Variants in B3GLCT observed in about 807,000 individuals in gnomAD.
The protein encoded by B3GLCT is beta 3-glucosyltransferase.
A neutral mutation model predicts 63.4 loss-of-function variants in B3GLCT; 65 were observed. The observed-to-expected ratio is 1.03, with a 90% CI of 0.84 to 1.26. The LOEUF (loss-of-function observed/expected upper bound fraction) is 1.26. B3GLCT is among the 50% of genes most tolerant of loss of function. B3GLCT has a pLI of 0.00. For synonymous variants in B3GLCT, 233 were observed against 219.2 expected, an observed-to-expected ratio of 1.06 and a Z score of -0.55; for missense variants, 577 against 604.8, an observed-to-expected ratio of 0.95 and a Z score of 0.48.
chr13:31,224,158 T>C (rs1180099189), intron 3 of B3GLCT, among the ~76,000 whole-genome samples: 1 of 152,108 alleles, frequency 6.6e-6, no homozygotes, highest in Non-Finnish European at 1.5e-5. Context: ...TGTTTTGGGG[T>C]CTGCGAGCAG....
Position 31,261,005 on chromosome 13 carries a change from C to T in B3GLCT, c.519C>T (p.Ala173=), listed in dbSNP as rs745980708. ...AAGCTACAATAATTCACCATTATGC[C>T]TTTTCCGAGAATCCTACAGTTTTTA... The part of the protein sequence containing the change: ...DEEATIIHHY[A]FSENPTVFKY... The change falls in exon 7 of 15, where the codon GCC becomes GCT. Residue 173 remains alanine (A), a synonymous_variant. Coordinates refer to ENST00000343307, the MANE Select transcript of B3GLCT (RefSeq NM_194318.4). 6.2e-7 allele frequency: 1 copy of T among 1,613,546 alleles called. No individual in the cohort carries two copies. The highest frequency in any genetic ancestry group is 1.3e-5 in the African/African-American group (1 of 74,780).
In B3GLCT at chr13:31,255,583, G is replaced by A. The variant is rs192258713; in HGVS notation, c.460-5363G>A. 2.6e-5 allele frequency among the ~76,000 whole-genome samples: 4 copies of A among 152,270 alleles called. No homozygotes were observed. In the East Asian group the frequency reaches 7.7e-4, roughly 29 times the overall value. On this transcript the variant is annotated intron_variant, in intron 6 of 14. Transcript: ENST00000343307. ...AAGGCTACAGTAACAAAAACAGCATGGTACTGGTACCAAAACCAGATATAT... is the reference window on the plus strand; with the variant it reads ...AAGGCTACAGTAACAAAAACAGCATAGTACTGGTACCAAAACCAGATATAT...
At chr13:31,206,495 C>T (rs1868959631) in intron 1 of B3GLCT, among the ~76,000 whole-genome samples, 1 of 145,882 alleles carries the variant, frequency 6.9e-6, no homozygotes, top group Non-Finnish European at 1.5e-5. Flanking sequence ...AATCCCAGCA[C>T]TTTGGGAGGC....
At chr13:31,309,553 G>C (rs1173061574) in intron 12 of B3GLCT, among the ~76,000 whole-genome samples, 1 of 152,190 alleles carries the variant, frequency 6.6e-6, no homozygotes, top group Admixed American at 6.5e-5. Flanking sequence ...CCTTTAATTT[G>C]CTGGAGCAGC....
intron 12 of B3GLCT, among the ~76,000 whole-genome samples, chr13:31,291,415 G>A (rs1209080038): frequency 6.6e-6 from 1 of 152,164 alleles, no homozygotes; most frequent in Non-Finnish European, 1.5e-5. Context: ...AATTACTTTG[G>A]TCAGTATGGC....
chr13:31,317,443 C>T, intron 12 of B3GLCT, 123 bp from the exon 13 acceptor site: 1 of 1,175,908 alleles, frequency 8.5e-7, no homozygotes. Context: ...ACTCAAATTT[C>T]TTCTCTTAAC....
intron 10 of B3GLCT, chr13:31,282,933 C>T (rs1873144637): frequency 6.6e-6 from 1 of 152,156 alleles, no homozygotes; most frequent in South Asian, 2.1e-4. Flanking sequence ...GGCACTGTGC[C>T]AGGTGTTGGG....
At chr13:31,311,665 G>A (rs1280522592) in intron 12 of B3GLCT, 3 of 152,148 alleles carry the variant, frequency 2.0e-5, no homozygotes, top group African/African-American at 4.8e-5. Flanking sequence ...AGAAACCTAA[G>A]CCCTCATGCA....
intron 2 of B3GLCT, among the ~76,000 whole-genome samples, chr13:31,222,278 G>A (rs770597863): frequency 6.6e-5 from 10 of 151,802 alleles, no homozygotes; most frequent in Middle Eastern, 3.2e-3. Flanking sequence ...GGGGTTTTCC[G>A]TATTGGCCAG....
At chr13:31,243,808 T>C (rs1024045607) in intron 4 of B3GLCT, among the ~76,000 whole-genome samples, 2 of 152,250 alleles carry the variant, frequency 1.3e-5, no homozygotes, top group Non-Finnish European at 2.9e-5. Context: ...GTGATTATGA[T>C]ACCAGTGGAT....
At chr13:31,277,190 A>G (rs553956059) in intron 10 of B3GLCT, among the ~76,000 whole-genome samples, 32 of 152,190 alleles carry the variant, frequency 2.1e-4, no homozygotes, top group African/African-American at 7.5e-4. Flanking sequence ...TTCTTTTTCA[A>G]TTTATTTCAA....
chr13:31,323,438 G>A (rs544695026), intron 13 of B3GLCT, among the ~76,000 whole-genome samples: 2 of 152,006 alleles, frequency 1.3e-5, no homozygotes, highest in Non-Finnish European at 2.9e-5. Flanking sequence ...TGTTTCCTTC[G>A]GCCCTTTCAG....
At chr13:31,250,051 T>A (rs1353311252) in intron 6 of B3GLCT, among the ~76,000 whole-genome samples, 1 of 152,256 alleles carries the variant, frequency 6.6e-6, no homozygotes, top group Non-Finnish European at 1.5e-5. Context: ...TAATCTTTAT[T>A]AAATTGCCTT....
At chr13:31,233,837 G>C (rs1395435742) in intron 4 of B3GLCT, among the ~76,000 whole-genome samples, 1 of 151,974 alleles carries the variant, frequency 6.6e-6, no homozygotes, top group Non-Finnish European at 1.5e-5. Flanking sequence ...TCATATCAAG[G>C]ACTCACTTAG....
intron 8 of B3GLCT, 113 bp from the exon 9 acceptor site, chr13:31,274,396 C>G (rs1026423896): frequency 2.2e-6 from 3 of 1,374,658 alleles, no homozygotes; most frequent in Middle Eastern, 3.8e-4. Context: ...TGATATGGTT[C>G]AGCCTACTCT....
chr13:31,264,228 C>A (rs924291285), intron 7 of B3GLCT, among the ~76,000 whole-genome samples: 2 of 152,124 alleles, frequency 1.3e-5, no homozygotes, highest in African/African-American at 2.4e-5. Flanking sequence ...CACAAACATT[C>A]AGACCATAGT....
chr13:31,326,298 T>TG (rs1329397938), intron 14 of B3GLCT, among the ~76,000 whole-genome samples: 1 of 144,832 alleles, frequency 6.9e-6, no homozygotes, highest in African/African-American at 2.6e-5. Flanking sequence ...TTTTTTTTTT[T>TG]TTTGAGATGA....
rs527473879 is a variant in B3GLCT at position 31,207,557 on chromosome 13, C to CT, written c.70+7412dup. On this transcript the variant is annotated intron_variant, in intron 1 of 14. Transcript: ENST00000343307. ...ATATATAGTTATTTTCTATTTTTCT[C>CT]TTTTTTTTTCACTATCTACTGTGCT... Among the ~76,000 whole-genome samples, 44 of 151,308 alleles carry CT rather than the reference C, an allele frequency of 2.9e-4. 1 individual carries two copies. The South Asian group carries it at 6.9e-3, about 24-fold the overall frequency.
chr13:31,287,685 A>T (rs1364181027), intron 12 of B3GLCT, among the ~76,000 whole-genome samples: 1 of 152,200 alleles, frequency 6.6e-6, no homozygotes, highest in Non-Finnish European at 1.5e-5. Context: ...AAATTAGCTT[A>T]TTGAAATGGT....
Sources: gnomAD v4.1 joint callset for allele counts (sites outside exome capture counted in the v4.1 genomes callset) on GRCh38, gnomAD v4.1.1 for gene constraint, MANE v1.5 for transcripts, NCBI Gene and HGNC (gene_info 2026-07-23, HGNC 2026-07-21) for gene names.